Variants in SRRM3 observed in about 807,000 individuals in gnomAD.
SRRM3 encodes the protein serine/arginine repetitive matrix protein 3.
In SRRM3, 27 loss-of-function variants were observed where a neutral mutation model predicts 66.2. That is an observed-to-expected ratio of 0.41 (90% CI 0.30 to 0.56). The LOEUF is 0.56. Among genes scored for constraint, SRRM3 ranks in the 20% least tolerant of loss-of-function variants. SRRM3 has a pLI of 0.32. For missense variants in SRRM3, 918 were observed against 991.9 expected (o/e 0.93, Z 1.00); for synonymous variants, 391 against 414.9 (o/e 0.94, Z 0.70).
chr7:76,270,809 G>A (rs1392080410), intron 11 of SRRM3, among the ~76,000 whole-genome samples: 8 of 141,174 alleles, frequency 5.7e-5, no homozygotes, highest in South Asian at 2.2e-4. Context: ...GTGAGACTCC[G>A]TCTCGGAAAA....
At chr7:76,258,317 G>A (rs575963376) in intron 3 of SRRM3, among the ~76,000 whole-genome samples, 2 of 152,206 alleles carry the variant, frequency 1.3e-5, no homozygotes, top group African/African-American at 4.8e-5. Flanking sequence ...CTCAGCCAGC[G>A]GGAGGGGGCT....
At chr7:76,256,253 T>C (rs1404211128) in intron 3 of SRRM3, among the ~76,000 whole-genome samples, 1 of 152,130 alleles carries the variant, frequency 6.6e-6, no homozygotes, top group African/African-American at 2.4e-5. Context: ...ATGTCTGTAA[T>C]CCCAGCACTT....
Position 76,285,713 on chromosome 7 carries a change from C to T in SRRM3, c.1832C>T (p.Pro611Leu). The T allele has an allele frequency of 6.4e-7, 1 of 1,550,882 alleles. No individual in the cohort carries two copies. The highest frequency in any genetic ancestry group is 8.7e-7 in the Non-Finnish European group (1 of 1,146,868). Residue 611 changes from proline (P) to leucine (L), a missense_variant, in exon 15 of 15, where the codon CCC becomes CTC. Pro to Leu is a moderately conservative substitution (Grantham distance 98, BLOSUM62 -3). Coordinates refer to ENST00000611745, the MANE Select transcript of SRRM3 (RefSeq NM_001110199.3). The surrounding 1 kb of genome is among the most constrained non-coding windows in gnomAD (Gnocchi z 4.1). ...TCGACCCGGAGCCACAGCCGCAGCC[C>T]CAGCCCCGGCCACAGCCACGGGAGC... The part of the protein sequence containing the change: ...DYSTRSHSRS[P>L]SPGHSHGSYS...
At chr7:76,207,935 G>T (rs953402252) in intron 1 of SRRM3, among the ~76,000 whole-genome samples, 9 of 152,110 alleles carry the variant, frequency 5.9e-5, no homozygotes, top group African/African-American at 1.9e-4. Flanking sequence ...CCTTATAAAG[G>T]CTGGGCATGG....
intron 1 of SRRM3, among the ~76,000 whole-genome samples, chr7:76,229,153 C>G (rs1298916190): frequency 6.6e-6 from 1 of 152,006 alleles, no homozygotes; most frequent in Non-Finnish European, 1.5e-5. Context: ...CTGCCTTGTC[C>G]TCCCAAAATG....
chr7:76,219,132 G>A (rs1261226045), intron 1 of SRRM3, among the ~76,000 whole-genome samples: 1 of 152,224 alleles, frequency 6.6e-6, no homozygotes, highest in African/African-American at 2.4e-5. Context: ...ACAGGCGTGA[G>A]CCACCATACC....
chr7:76,210,147 C>A (rs1800394702), intron 1 of SRRM3, among the ~76,000 whole-genome samples: 1 of 152,190 alleles, frequency 6.6e-6, no homozygotes, highest in East Asian at 1.9e-4. Context: ...CCTCTGGGAG[C>A]TGGGCAACCT....
At chr7:76,268,465 C>A (rs1802129720) in intron 11 of SRRM3, 1 of 152,212 alleles carries the variant, frequency 6.6e-6, no homozygotes, top group Non-Finnish European at 1.5e-5. Flanking sequence ...CACCCAACCC[C>A]AAAGCCTCAG....
At position 76,217,305 on chromosome 7, in the gene SRRM3, A is replaced by G. The variant is rs1481063089; in HGVS notation, c.-40+15238A>G. On this transcript the variant is annotated intron_variant, in intron 1 of 14. Coordinates refer to ENST00000611745, the MANE Select transcript of SRRM3 (RefSeq NM_001110199.3). ...CTTTTGTTTTGTTTTGTTTTTTGAG[A>G]TGAAGTTTTGCTCTTGTCCCCCAGG... Among the ~76,000 whole-genome samples, 4 of 152,168 alleles carry G rather than the reference A, an allele frequency of 2.6e-5. No individual in the cohort carries two copies. In the East Asian group the frequency reaches 7.7e-4, roughly 29 times the overall value.
intron 1 of SRRM3, among the ~76,000 whole-genome samples, chr7:76,225,971 G>T (rs1321933087): frequency 6.6e-6 from 1 of 152,056 alleles, no homozygotes; most frequent in African/African-American, 2.4e-5. Context: ...GGTCCCCAGG[G>T]CAGGGCTGGG....
intron 2 of SRRM3, among the ~76,000 whole-genome samples, chr7:76,242,180 G>C (rs1801315898): frequency 6.6e-6 from 1 of 152,158 alleles, no homozygotes; most frequent in African/African-American, 2.4e-5. Context: ...CCAGATACCA[G>C]TTTTGTGGAA....
At chr7:76,204,696 C>A (rs1800252487) in intron 1 of SRRM3, among the ~76,000 whole-genome samples, 1 of 152,154 alleles carries the variant, frequency 6.6e-6, no homozygotes, top group Non-Finnish European at 1.5e-5. Flanking sequence ...TTCTTTCTGG[C>A]CCTATCTCTG....
chr7:76,256,941 CTCTGGTG>C (rs1554607781), intron 3 of SRRM3, among the ~76,000 whole-genome samples: 8 of 152,218 alleles, frequency 5.3e-5, no homozygotes, highest in African/African-American at 1.2e-4. Context: ...AACTCCCGAC[CTCTGGTG>C]ATCCGCCCGC....
chr7:76,275,946 G>A lies in SRRM3; in HGVS notation c.1009-5495G>A, dbSNP rs558868017. ...AATAAAATAAATAGCCAGACATGGCGGTGTGTACCTGTAGACCCAGCTACT... is the reference window on the plus strand; with the variant it reads ...AATAAAATAAATAGCCAGACATGGCAGTGTGTACCTGTAGACCCAGCTACT... On this transcript the variant is annotated intron_variant, in intron 11 of 14. Transcript: ENST00000611745. 1.1e-3 allele frequency among the ~76,000 whole-genome samples: 163 copies of A among 152,116 alleles called. 1 individual carries two copies. The highest frequency in any genetic ancestry group is 3.4e-3 in the Middle Eastern group (1 of 294).
intron 11 of SRRM3, chr7:76,273,620 G>A (rs374421377): frequency 6.6e-6 from 1 of 152,168 alleles, no homozygotes; most frequent in Non-Finnish European, 1.5e-5. Context: ...TCCGCTGTGC[G>A]CTCTCGCTCC....
intron 11 of SRRM3, among the ~76,000 whole-genome samples, chr7:76,279,980 T>C (rs1583943207): frequency 6.6e-6 from 1 of 152,000 alleles, no homozygotes; most frequent in Admixed American, 6.6e-5. Flanking sequence ...CTATCTCTCT[T>C]GCATTTTTGT....
intron 1 of SRRM3, among the ~76,000 whole-genome samples, chr7:76,218,710 A>ACT (rs1474880547): frequency 2.0e-5 from 2 of 101,664 alleles, no homozygotes; most frequent in Non-Finnish European, 3.6e-5. Flanking sequence ...GCAAGGTCTC[A>ACT]CTCTGTTGCC....
At chr7:76,256,147 A>G (rs1242211763) in intron 3 of SRRM3, among the ~76,000 whole-genome samples, 1 of 152,202 alleles carries the variant, frequency 6.6e-6, no homozygotes, top group Non-Finnish European at 1.5e-5. Context: ...CACTCAAGAA[A>G]GACTTCAGAG....
Position 76,204,272 on chromosome 7 carries a change from C to T in SRRM3, c.-40+2205C>T, listed in dbSNP as rs114853695. 3.5e-3 allele frequency among the ~76,000 whole-genome samples: 527 copies of T among 152,266 alleles called. 3 individuals carry two copies. The highest frequency in any genetic ancestry group is 0.012 in the African/African-American group (512 of 41,544). ...GACAAAATCATAGCTCTTCCTGTCT[C>T]AGAAGCCTTCCAGGGGCACCAATGG... On this transcript the variant is annotated intron_variant, in intron 1 of 14. Coordinates refer to ENST00000611745, the MANE Select transcript of SRRM3 (RefSeq NM_001110199.3).
Sources: gnomAD v4.1 joint callset for allele counts (sites outside exome capture counted in the v4.1 genomes callset) on GRCh38, gnomAD v4.1.1 for gene constraint, Gnocchi (gnomAD v3.1) non-coding constraint, MANE v1.5 for transcripts, NCBI Gene and HGNC (gene_info 2026-07-23, HGNC 2026-07-21) for gene names.